ZPR1: variants seen among roughly 807,000 people sequenced by gnomAD.
ZPR1 encodes ZPR1 zinc finger.
A neutral mutation model predicts 59.6 loss-of-function variants in ZPR1; 37 were observed. The observed-to-expected ratio is 0.62, with a 90% CI of 0.48 to 0.82. ZPR1 has a LOEUF of 0.82. Ranked by LOEUF, ZPR1 falls within the 40% of genes least tolerant of loss-of-function variation. The pLI is 0.00. For synonymous variants in ZPR1, 191 were observed against 215.2 expected, an observed-to-expected ratio of 0.89 and a Z score of 0.99; for missense variants, 527 against 579.9, an observed-to-expected ratio of 0.91 and a Z score of 0.94.
At position 116,784,416 on chromosome 11, in the gene ZPR1, C is replaced by T. The variant is rs1167383526; in HGVS notation, c.853G>A (p.Ala285Thr). ...TGCCCACAGTTCTCGCAGTTGGTAG[C>T]CATGATGATAACCTCCTTAAAGTGA... ...IPHFKEVIIMATNCENCGHRT... is the reference protein window; with the variant it reads ...IPHFKEVIIMTTNCENCGHRT... Residue 285 changes from alanine to threonine, a missense_variant, in exon 9 of 14, where the codon GCT becomes ACT. Coordinates refer to ENST00000227322, the MANE Select transcript of ZPR1 (RefSeq NM_003904.5). 6.2e-7 allele frequency: 1 copy of T among 1,614,162 alleles called. No homozygotes were observed. Among genetic ancestry groups the T allele is most frequent in the Non-Finnish European group, 8.5e-7 (1 of 1,180,024 alleles).
chr11:116,782,208 TG>T lies in ZPR1; in HGVS notation c.1128del (p.Asn377IlefsTer23). The T allele has an allele frequency of 6.2e-7, 1 of 1,614,138 alleles. No individual in the cohort carries two copies. The highest frequency in any genetic ancestry group is 1.1e-5 in the South Asian group (1 of 91,084). The part of the protein sequence containing the change: ...TKNPFTLGDS[S>X]NPGQTERLQE... ...TGTAGTCTCTCCGTCTGTCCAGGATTGGAACTGTCGCCCAGTGTGAAAGGAT... is the reference window on the plus strand; with the variant it reads ...TGTAGTCTCTCCGTCTGTCCAGGATTGAACTGTCGCCCAGTGTGAAAGGAT... On this transcript the variant is annotated frameshift_variant, in exon 12 of 14. Transcript: ENST00000227322. LOFTEE classifies it high-confidence loss of function.
At chr11:116,786,412 CAAGT>C in intron 4 of ZPR1, 95 bp downstream of exon 4, 1 of 1,351,690 alleles carries the variant, frequency 7.4e-7, no homozygotes, top group Non-Finnish European at 1.0e-6. Context: ...GCTTACCCAG[CAAGT>C]TTCCAACACT....
intron 12 of ZPR1, among the ~76,000 whole-genome samples, 172 bp from the exon 13 acceptor site, chr11:116,780,009 CG>C (rs1461960674): frequency 6.6e-6 from 1 of 151,186 alleles, no homozygotes; most frequent in Non-Finnish European, 1.5e-5. Context: ...CAAACCTGCA[CG>C]TTGTGCACAT....
chr11:116,786,052 G>A (rs1220719669), intron 4 of ZPR1, among the ~76,000 whole-genome samples, 170 bp from the exon 5 acceptor site: 1 of 152,128 alleles, frequency 6.6e-6, no homozygotes, highest in African/African-American at 2.4e-5. Flanking sequence ...GAAGTTGACG[G>A]GTGGTGACAG....
chr11:116,779,831 C>A lies in ZPR1; in HGVS notation c.1186G>T (p.Glu396Ter). Reference protein sequence around the residue: ...EFSQKMDQIIEGNMKAHFIMD... With the variant: ...EFSQKMDQII ...ATAAAGTGGGCCTTCATGTTACCTTCGATGATCTAAAGGAGAGAGAGAACA... is the reference window on the plus strand; with the variant it reads ...ATAAAGTGGGCCTTCATGTTACCTTAGATGATCTAAAGGAGAGAGAGAACA... The change falls in exon 13 of 14, where the codon GAA (glutamate) becomes TAA (stop). Residue 396 changes from glutamate to a stop codon, truncating the protein, a stop_gained. Transcript: ENST00000227322. LOFTEE classifies it high-confidence loss of function. The A allele has an allele frequency of 6.5e-7, 1 of 1,539,480 alleles. No homozygotes were observed. Among genetic ancestry groups the A allele is most frequent in the Non-Finnish European group, 8.8e-7 (1 of 1,137,524 alleles).
Position 116,773,895 on chromosome 11 carries a change from TATC to T in ZPR1, c.*5027_*5029del, listed in dbSNP as rs1263498756. The stretch of plus-strand genomic sequence containing the variant: ...CCTCACAATTCTCAAATCGTTTCAT[TATC>T]ATATTTTACAGATAAGAACTGAAGC... On this transcript the variant is annotated 3_prime_UTR_variant, in exon 14 of 14. Coordinates refer to ENST00000227322, the MANE Select transcript of ZPR1 (RefSeq NM_003904.5). 6.6e-6 allele frequency: 1 copy of T among 152,180 alleles called. No individual in the cohort carries two copies. Among genetic ancestry groups the T allele is most frequent in the Non-Finnish European group, 1.5e-5 (1 of 68,030 alleles). The allele number at this position is 152,180 out of a possible 1,614,324, so 9.4% of individuals were successfully genotyped here.
chr11:116,778,866 A>G lies in ZPR1; in HGVS notation c.*59T>C, dbSNP rs1940758076. 1.3e-6 allele frequency: 2 copies of G among 1,586,352 alleles called. No homozygotes were observed. The highest frequency in any genetic ancestry group is 2.7e-5 in the African/African-American group (2 of 74,110). ...CTCCCAGCCTTCGCCTTCATCCAAT[A>G]CTAATAAATAACCTACAGAAAGAGC... On this transcript the variant is annotated 3_prime_UTR_variant, in exon 14 of 14. Coordinates refer to ENST00000227322, the MANE Select transcript of ZPR1 (RefSeq NM_003904.5).
At position 116,785,787 on chromosome 11, in the gene ZPR1, A is replaced by C; in HGVS notation, c.582+9T>G. ...TAATCAAGGGCAACTCCAGCCTCTCAATACTCACCAGAGTGAAAGGGGAGG... is the reference window on the plus strand; with the variant it reads ...TAATCAAGGGCAACTCCAGCCTCTCCATACTCACCAGAGTGAAAGGGGAGG... On this transcript the variant is annotated intron_variant, in intron 5 of 13. Coordinates refer to ENST00000227322, the MANE Select transcript of ZPR1 (RefSeq NM_003904.5). 1 of 1,613,856 alleles carries C rather than the reference A, an allele frequency of 6.2e-7. No homozygotes were observed.
In ZPR1 at chr11:116,785,778, C is replaced by T; in HGVS notation, c.582+18G>A. The T allele has an allele frequency of 6.2e-7, 1 of 1,613,518 alleles. No homozygotes were observed. Among genetic ancestry groups the T allele is most frequent in the Non-Finnish European group, 8.5e-7 (1 of 1,179,410 alleles). On this transcript the variant is annotated intron_variant, in intron 5 of 13. Transcript: ENST00000227322. ...CTCCTCCCCTAATCAAGGGCAACTC[C>T]AGCCTCTCAATACTCACCAGAGTGA...
Position 116,787,844 on chromosome 11 carries a change from C to A in ZPR1, c.147G>T (p.Ser49=), listed in dbSNP as rs1295783710. 1 of 1,558,858 alleles carries A rather than the reference C, an allele frequency of 6.4e-7. No individual in the cohort carries two copies. The highest frequency in any genetic ancestry group is 2.4e-5 in the East Asian group (1 of 41,554). The stretch of plus-strand genomic sequence containing the variant: ...CATTGCAGTAACAGTTCATGCATAG[C>A]GACTCGATCTCGGTGGGCTGCTGCT... ...DEEQQPTEIE[S]LCMNCYCNGM... The change falls in exon 1 of 14, where the codon TCG becomes TCT. Residue 49 remains serine (S), a synonymous_variant. Transcript: ENST00000227322.
At chr11:116,779,996 T>C (rs1940782679) in intron 12 of ZPR1, among the ~76,000 whole-genome samples, 159 bp from the exon 13 acceptor site, 3 of 151,984 alleles carry the variant, frequency 2.0e-5, no homozygotes, top group East Asian at 1.9e-4. Context: ...TATACATATG[T>C]AACAAACCTG....
Position 116,782,929 on chromosome 11 carries a change from A to G in ZPR1, c.1082T>C (p.Ile361Thr), listed in dbSNP as rs1940830275. 2.5e-6 allele frequency: 4 copies of G among 1,614,078 alleles called. No individual in the cohort carries two copies. The highest frequency in any genetic ancestry group is 2.5e-6 in the Non-Finnish European group (3 of 1,179,928). Reference sequence around the variant, plus strand: ...ACTCAAGTGACTCACCAGTTCCCGGATGTCTTTCAGCAGCCCTTCCAGTGT... The same window carrying G: ...ACTCAAGTGACTCACCAGTTCCCGGGTGTCTTTCAGCAGCCCTTCCAGTGT... ...FTTLEGLLKD[I>T]RELVTKNPFT... is the part of the protein sequence containing the mutation. The change falls in exon 11 of 14, where the codon ATC (isoleucine) becomes ACC (threonine). Residue 361 changes from isoleucine to threonine, a missense_variant. Ile to Thr is a moderately conservative substitution (Grantham distance 89). Transcript: ENST00000227322.
chr11:116,786,547 A>G lies in ZPR1; in HGVS notation c.459T>C (p.Ala153=), dbSNP rs200552379. The G allele has an allele frequency of 2.1e-4, 340 of 1,614,246 alleles. No homozygotes were observed. Among genetic ancestry groups the G allele is most frequent in the Non-Finnish European group, 2.6e-4 (305 of 1,180,040 alleles). Residue 153 remains alanine (A), a synonymous_variant, in exon 4 of 14, where the codon GCT becomes GCC. Transcript: ENST00000227322. ...GCTGGTCCTGCTCCAGGCCAGAGATAGCACGGGTGATCAATCCTTCAACAG... is the reference window on the plus strand; with the variant it reads ...GCTGGTCCTGCTCCAGGCCAGAGATGGCACGGGTGATCAATCCTTCAACAG... ...LTTVEGLITR[A]ISGLEQDQPA... is the part of the protein sequence containing the mutation.
intron 8 of ZPR1, 58 bp from the exon 9 acceptor site, chr11:116,784,506 A>G (rs1191914236): frequency 6.6e-7 from 1 of 1,515,318 alleles, no homozygotes; most frequent in Non-Finnish European, 9.2e-7. Flanking sequence ...CATCTGGGGA[A>G]AAACAAAGCC....
intron 5 of ZPR1, 41 bp from the exon 6 acceptor site, chr11:116,785,677 C>A (rs1249292733): frequency 6.2e-7 from 1 of 1,613,674 alleles, no homozygotes; most frequent in South Asian, 1.1e-5. Flanking sequence ...AAAAGAAAAT[C>A]ATAAACAATC....
Position 116,782,173 on chromosome 11 carries a change from G to A in ZPR1, c.1164C>T (p.Ser388=), listed in dbSNP as rs375472745. 2.5e-6 allele frequency: 4 copies of A among 1,613,962 alleles called. No individual in the cohort carries two copies. Among genetic ancestry groups the A allele is most frequent in the Non-Finnish European group, 3.4e-6 (4 of 1,179,974 alleles). ...GACCTCTTACCTGGTCCATCTTCTGGCTAAACTCCTGTAGTCTCTCCGTCT... is the reference window on the plus strand; with the variant it reads ...GACCTCTTACCTGGTCCATCTTCTGACTAAACTCCTGTAGTCTCTCCGTCT... The part of the protein sequence containing the change: ...PGQTERLQEF[S]QKMDQIIEGN... Residue 388 remains serine (S), a synonymous_variant, in exon 12 of 14, where the codon AGC becomes AGT. Transcript: ENST00000227322.
intron 4 of ZPR1, 62 bp from the exon 5 acceptor site, chr11:116,785,944 C>T (rs1940881596): frequency 7.0e-7 from 1 of 1,432,990 alleles, no homozygotes; most frequent in Non-Finnish European, 9.8e-7. Flanking sequence ...TGCCCCTTGT[C>T]ATGCCCATGT....
chr11:116,787,977 C>T lies in ZPR1; in HGVS notation c.14G>A (p.Gly5Glu), dbSNP rs1259964989. 7.0e-7 allele frequency: 1 copy of T among 1,428,460 alleles called. No homozygotes were observed. The highest frequency in any genetic ancestry group is 9.1e-7 in the Non-Finnish European group (1 of 1,103,576). 88.5% of individuals were successfully genotyped at this position (1,428,460 alleles called of 1,614,324 possible). The change falls in exon 1 of 14, where the codon GGG (glycine) becomes GAG (glutamate). Residue 5 changes from glycine (G) to glutamate (E), a missense_variant. Coordinates refer to ENST00000227322, the MANE Select transcript of ZPR1 (RefSeq NM_003904.5). ...CCCCGGGGGCCCTGGTTCCACAGCCCCGCTGGCCGCCATGGCCACCACGCG... is the reference window on the plus strand; with the variant it reads ...CCCCGGGGGCCCTGGTTCCACAGCCTCGCTGGCCGCCATGGCCACCACGCG... The part of the protein sequence containing the change: MAAS[G>E]AVEPGPPGAA...
chr11:116,779,468 C>A (rs145796806), intron 13 of ZPR1, among the ~76,000 whole-genome samples: 1 of 152,102 alleles, frequency 6.6e-6, no homozygotes, highest in African/African-American at 2.4e-5. Flanking sequence ...GGACAAGGTA[C>A]CATTTCTCCT....
Sources: gnomAD v4.1 joint callset for allele counts (sites outside exome capture counted in the v4.1 genomes callset) on GRCh38, gnomAD v4.1.1 for gene constraint, MANE v1.5 for transcripts, NCBI Gene and HGNC (gene_info 2026-07-23, HGNC 2026-07-21) for gene names.